Variants in RNMT observed in about 807,000 individuals in gnomAD.
RNMT encodes the protein mRNA cap guanine-N(7) methyltransferase.
In RNMT, 27 loss-of-function variants were observed where a neutral mutation model predicts 56.0. The ratio of observed to expected loss-of-function variants is 0.48; its 90% CI spans 0.36 to 0.67. The LOEUF (loss-of-function observed/expected upper bound fraction) is 0.67. RNMT is among the 30% of genes least tolerant of loss of function. The pLI is 0.00. For missense variants in RNMT, 519 were observed against 552.1 expected (o/e 0.94, Z 0.60); for synonymous variants, 184 against 176.2 (o/e 1.04, Z -0.35).
In RNMT at chr18:13,760,147, G is replaced by A. The variant is rs2044601694; in HGVS notation, c.*168G>A. 1.5e-6 allele frequency: 2 copies of A among 1,343,760 alleles called. No homozygotes were observed. The highest frequency in any genetic ancestry group is 1.9e-6 in the Non-Finnish European group (2 of 1,047,628). The allele number at this position is 1,343,760 out of a possible 1,614,324, so 83.2% of individuals were successfully genotyped here. A position where few individuals can be genotyped will look rare whatever the true frequency, so the allele number is the denominator to read the frequency against. The stretch of plus-strand genomic sequence containing the variant: ...TCAACATTTGCTGTCTGTGACAGAT[G>A]AACTTTTGCATGTGTATATAAGAAT... On this transcript the variant is annotated 3_prime_UTR_variant, in exon 12 of 12. Transcript: ENST00000383314.
At position 13,731,558 on chromosome 18, in the gene RNMT, C is replaced by G. The variant is rs1035919752; in HGVS notation, c.41C>G (p.Ser14Cys). The G allele has an allele frequency of 1.1e-5, 17 of 1,608,778 alleles. No individual in the cohort carries two copies. The highest frequency in any genetic ancestry group is 1.4e-5 in the Non-Finnish European group (17 of 1,178,646). ...SAKAEEYEKM[S>C]LEQAKASVNS... ...AAAGCAGAAGAATATGAAAAGATGT[C>G]TCTTGAACAGGCAAAAGCGTCAGTG... Residue 14 changes from serine (S) to cysteine (C), a missense_variant, in exon 3 of 12, where the codon TCT becomes TGT. Coordinates refer to ENST00000383314, the MANE Select transcript of RNMT (RefSeq NM_003799.3).
Position 13,742,473 on chromosome 18 carries a change from G to A in RNMT, c.975-15G>A. The stretch of plus-strand genomic sequence containing the variant: ...TTTTAATCTTTTTATTTTGGTTGGG[G>A]GATAACCTTGATAGAAGACGCCTTG... On this transcript the variant is annotated splice_polypyrimidine_tract_variant and intron_variant, in intron 7 of 11. Coordinates refer to ENST00000383314, the MANE Select transcript of RNMT (RefSeq NM_003799.3). 6.2e-7 allele frequency: 1 copy of A among 1,610,172 alleles called. No individual in the cohort carries two copies. Among genetic ancestry groups the A allele is most frequent in the African/African-American group, 1.3e-5 (1 of 74,776 alleles).
chr18:13,733,104 C>T (rs1045721184), intron 3 of RNMT, among the ~76,000 whole-genome samples: 2 of 151,990 alleles, frequency 1.3e-5, no homozygotes, highest in Non-Finnish European at 2.9e-5. Flanking sequence ...TTTACTAGCC[C>T]CAGAACCCCT....
At chr18:13,756,862 T>C (rs1273912197) in intron 11 of RNMT, among the ~76,000 whole-genome samples, 1 of 152,188 alleles carries the variant, frequency 6.6e-6, no homozygotes, top group Admixed American at 6.5e-5. Flanking sequence ...CTTGACTCAC[T>C]GTTGAGTATC....
chr18:13,728,041 C>T (rs989917417), intron 1 of RNMT, among the ~76,000 whole-genome samples: 1 of 152,300 alleles, frequency 6.6e-6, no homozygotes, highest in East Asian at 1.9e-4. Flanking sequence ...AAACTTGAGA[C>T]TGCAGATATT....
chr18:13,752,553 C>A, intron 10 of RNMT, 126 bp downstream of exon 10: 2 of 616,492 alleles, frequency 3.2e-6, no homozygotes, highest in Non-Finnish European at 2.8e-6. Context: ...TCAGTTGTTT[C>A]CACTAAGTGA....
Position 13,760,642 on chromosome 18 carries a change from A to AC in RNMT, c.*665dup. 2.0e-6 allele frequency: 2 copies of AC among 985,288 alleles called. No homozygotes were observed. The highest frequency in any genetic ancestry group is 1.2e-6 in the Non-Finnish European group (1 of 829,776). 61.0% of individuals were successfully genotyped at this position (985,288 alleles called of 1,614,324 possible). ...TGGGGCTTTCTTTTCAGAAATTGCT[A>AC]CCATAGTAATTAATGTTTCCAGTTA... On this transcript the variant is annotated 3_prime_UTR_variant, in exon 12 of 12. Coordinates refer to ENST00000383314, the MANE Select transcript of RNMT (RefSeq NM_003799.3).
Position 13,753,896 on chromosome 18 carries a change from A to G in RNMT, c.1360-218A>G, listed in dbSNP as rs542992800. On this transcript the variant is annotated intron_variant, in intron 10 of 11. Transcript: ENST00000383314. ...TCACCCTTTGGATGAGAATTTGAGA[A>G]TTTGGCAGGAGGATAAAAGTCTGAG... is the stretch of plus-strand genomic sequence containing the variant. 8.6e-5 allele frequency among the ~76,000 whole-genome samples: 13 copies of G among 151,722 alleles called. No homozygotes were observed. In the South Asian group the frequency reaches 2.5e-3, roughly 29 times the overall value.
At chr18:13,755,339 CAT>C (rs1188078375) in intron 11 of RNMT, among the ~76,000 whole-genome samples, 3 of 152,196 alleles carry the variant, frequency 2.0e-5, no homozygotes, top group East Asian at 1.9e-4. Context: ...GAGTGTTGAA[CAT>C]GTGCAGGTGC....
At chr18:13,743,409 AGTT>A (rs1460789253) in intron 8 of RNMT, among the ~76,000 whole-genome samples, 1 of 152,104 alleles carries the variant, frequency 6.6e-6, no homozygotes, top group Non-Finnish European at 1.5e-5. Context: ...GAGTATTAAA[AGTT>A]GTTTGCATTT....
intron 11 of RNMT, among the ~76,000 whole-genome samples, chr18:13,757,449 T>C (rs908478746): frequency 1.3e-5 from 2 of 152,226 alleles, no homozygotes; most frequent in African/African-American, 2.4e-5. Context: ...TTTTGTAATA[T>C]TAATATTCGA....
chr18:13,752,525 G>T, intron 10 of RNMT, 98 bp downstream of exon 10: 1 of 724,342 alleles, frequency 1.4e-6, no homozygotes, highest in South Asian at 1.8e-5. Flanking sequence ...ACAATACTTA[G>T]GCTCACTGAC....
chr18:13,754,220 A>T, intron 11 of RNMT, 73 bp downstream of exon 11: 1 of 1,052,512 alleles, frequency 9.5e-7, no homozygotes, highest in Non-Finnish European at 1.4e-6. Flanking sequence ...TAAAACCTGA[A>T]AAAAGGCTGG....
chr18:13,755,990 C>T (rs1434679973), intron 11 of RNMT, among the ~76,000 whole-genome samples: 1 of 152,152 alleles, frequency 6.6e-6, no homozygotes, highest in Non-Finnish European at 1.5e-5. Context: ...GGTGTAGCAC[C>T]CCAGGATTGT....
At chr18:13,753,788 AT>A (rs1458685277) in intron 10 of RNMT, among the ~76,000 whole-genome samples, 2 of 149,332 alleles carry the variant, frequency 1.3e-5, no homozygotes, top group Non-Finnish European at 3.0e-5. Context: ...GAAAAAAAAA[AT>A]AATACAAGAT....
Position 13,762,225 on chromosome 18 carries a change from T to A in RNMT, c.*2246T>A. ...GGAATGACGGAACTGGGGATTGCGA[T>A]GATTGATCTGGGAACATGGCTGGAT... On this transcript the variant is annotated 3_prime_UTR_variant, in exon 12 of 12. Coordinates refer to ENST00000383314, the MANE Select transcript of RNMT (RefSeq NM_003799.3). The A allele has an allele frequency of 7.0e-7, 1 of 1,438,240 alleles. No individual in the cohort carries two copies. The highest frequency in any genetic ancestry group is 9.2e-7 in the Non-Finnish European group (1 of 1,083,570). 89.1% of individuals were successfully genotyped at this position (1,438,240 alleles called of 1,614,324 possible). A position where few individuals can be genotyped will look rare whatever the true frequency, so the allele number is the denominator to read the frequency against.
rs996919974 is a variant in RNMT at position 13,761,907 on chromosome 18, C to T, written c.*1928C>T. The T allele has an allele frequency of 1.5e-5, 18 of 1,176,116 alleles. No individual in the cohort carries two copies. The Admixed American group carries it at 6.8e-4, about 44-fold the overall frequency. 72.9% of individuals were successfully genotyped at this position (1,176,116 alleles called of 1,614,324 possible). ...TTACAATTAAGTTTCTGGATATTGA[C>T]TTAAGAACTGTTAGGAAGAGGACTA... On this transcript the variant is annotated 3_prime_UTR_variant, in exon 12 of 12. Transcript: ENST00000383314.
At position 13,761,886 on chromosome 18, in the gene RNMT, A is replaced by C; in HGVS notation, c.*1907A>C. On this transcript the variant is annotated 3_prime_UTR_variant, in exon 12 of 12. Coordinates refer to ENST00000383314, the MANE Select transcript of RNMT (RefSeq NM_003799.3). Reference sequence around the variant, plus strand: ...CCAAGCCCCTGTGTCTCCTTGTTACAATTAAGTTTCTGGATATTGACTTAA... The same window carrying C: ...CCAAGCCCCTGTGTCTCCTTGTTACCATTAAGTTTCTGGATATTGACTTAA... The C allele has an allele frequency of 2.4e-6, 3 of 1,234,058 alleles. No homozygotes were observed. The highest frequency in any genetic ancestry group is 3.0e-6 in the Non-Finnish European group (3 of 989,566). 76.4% of individuals were successfully genotyped at this position (1,234,058 alleles called of 1,614,324 possible). A position where few individuals can be genotyped will look rare whatever the true frequency, so the allele number is the denominator to read the frequency against.
intron 11 of RNMT, among the ~76,000 whole-genome samples, chr18:13,756,718 C>T (rs145016909): frequency 3.0e-4 from 46 of 152,294 alleles, no homozygotes; most frequent in Admixed American, 7.8e-4. Context: ...CTATGGTGTT[C>T]CTGTACAAGT....
Sources: gnomAD v4.1 joint callset for allele counts (sites outside exome capture counted in the v4.1 genomes callset) on GRCh38, gnomAD v4.1.1 for gene constraint, MANE v1.5 for transcripts, NCBI Gene and HGNC (gene_info 2026-07-23, HGNC 2026-07-21) for gene names.